Variants in CNTNAP4 observed in about 807,000 individuals in gnomAD.
CNTNAP4 encodes the protein contactin-associated protein-like 4.
Under a neutral mutation model 148.4 loss-of-function variants are expected in CNTNAP4, and 98 were observed. The observed-to-expected ratio is 0.66, with a 90% CI of 0.56 to 0.78. The LOEUF (loss-of-function observed/expected upper bound fraction) is 0.78. Among genes scored for constraint, CNTNAP4 ranks in the 30% least tolerant of loss-of-function variants. The probability of loss-of-function intolerance (pLI) is 0.00; values close to 1 mark genes in which losing one functional copy is unlikely to be tolerated. For synonymous variants in CNTNAP4, 730 were observed against 565.1 expected, an observed-to-expected ratio of 1.29 and a Z score of -4.14; for missense variants, 1,935 against 1,565.6, an observed-to-expected ratio of 1.24 and a Z score of -3.98.
intron 3 of CNTNAP4, among the ~76,000 whole-genome samples, chr16:76,369,047 G>GT (rs1177417787): frequency 1.4e-5 from 2 of 145,990 alleles, no homozygotes; most frequent in African/African-American, 5.1e-5. Flanking sequence ...TCGTTTTTTG[G>GT]TTAAAAAAAA....
intron 12 of CNTNAP4, among the ~76,000 whole-genome samples, chr16:76,484,275 G>GAAAAA (rs10622949): frequency 0.28 from 19,842 of 71,222 alleles, 5,256 homozygotes; most frequent in Middle Eastern, 0.45. Flanking sequence ...GGAGAGAAAT[G>GAAAAA]AAAAAAAAAA....
At chr16:76,469,311 T>G (rs1305527520) in intron 10 of CNTNAP4, among the ~76,000 whole-genome samples, 1 of 152,196 alleles carries the variant, frequency 6.6e-6, no homozygotes, top group Non-Finnish European at 1.5e-5. Flanking sequence ...GAATGACTTT[T>G]GGGTCCGTTT....
Position 76,294,863 on chromosome 16 carries a change from G to A in CNTNAP4, c.85+17116G>A, listed in dbSNP as rs868653975. ...GGTCTCAATCTGTAAATTCTTGCTC[G>A]CAATTGAGAACAGAAGTTTCGACTC... On this transcript the variant is annotated intron_variant, in intron 1 of 23. Coordinates refer to ENST00000611870, the MANE Select transcript of CNTNAP4 (RefSeq NM_033401.5). Among the ~76,000 whole-genome samples the A allele has an allele frequency of 2.6e-5, 4 of 152,084 alleles. No individual in the cohort carries two copies. In the East Asian group the frequency reaches 7.7e-4, roughly 29 times the overall value.
intron 15 of CNTNAP4, among the ~76,000 whole-genome samples, chr16:76,503,205 G>A (rs142853586): frequency 1.4e-3 from 216 of 152,190 alleles, no homozygotes; most frequent in Non-Finnish European, 2.6e-3. Context: ...CAGGATAAAG[G>A]CAAGAATGTC....
At chr16:76,462,531 C>T (rs182113423) in intron 9 of CNTNAP4, among the ~76,000 whole-genome samples, 66 of 152,260 alleles carry the variant, frequency 4.3e-4, no homozygotes, top group African/African-American at 1.4e-3. Flanking sequence ...TGCCAAAGGA[C>T]AAATAATTTA....
chr16:76,409,046 C>G (rs1285039119), intron 3 of CNTNAP4, among the ~76,000 whole-genome samples: 1 of 151,768 alleles, frequency 6.6e-6, no homozygotes, highest in East Asian at 1.9e-4. Context: ...ACATTTGTGG[C>G]CTAAGATTTT....
chr16:76,363,160 CT>C lies in CNTNAP4; in HGVS notation c.390+7665del, dbSNP rs34005199. On this transcript the variant is annotated intron_variant, in intron 3 of 23. Transcript: ENST00000611870. ...CAAAACAATGAAATTAAACCCTTAT[CT>C]TTTTTTTTTTTTTTTGGGAGTTGGA... 8.3e-3 allele frequency among the ~76,000 whole-genome samples: 1,143 copies of C among 137,384 alleles called. 4 individuals are homozygous for C. The highest frequency in any genetic ancestry group is 0.019 in the African/African-American group (697 of 37,506). The allele number at this position is 137,384 out of a possible 152,430, so 90.1% of individuals were successfully genotyped here.
At chr16:76,303,240 C>A (rs1041297845) in intron 1 of CNTNAP4, among the ~76,000 whole-genome samples, 8 of 151,950 alleles carry the variant, frequency 5.3e-5, no homozygotes, top group African/African-American at 1.9e-4. Context: ...ATTTATTAAA[C>A]TAGCTTTATG....
At chr16:76,513,749 A>G (rs1455062041) in intron 15 of CNTNAP4, among the ~76,000 whole-genome samples, 1 of 152,194 alleles carries the variant, frequency 6.6e-6, no homozygotes, top group Non-Finnish European at 1.5e-5. Flanking sequence ...GAACCCTTCT[A>G]CTTACTGTTA....
At chr16:76,419,557 A>G (rs62051245) in intron 3 of CNTNAP4, among the ~76,000 whole-genome samples, 53,167 of 151,774 alleles carry the variant, frequency 0.35, 10,972 homozygotes, top group Non-Finnish European at 0.44. Flanking sequence ...CAAAATTATC[A>G]TAGAAGTTTT....
intron 17 of CNTNAP4, among the ~76,000 whole-genome samples, chr16:76,530,797 A>G (rs2083946891): frequency 1.3e-5 from 2 of 152,162 alleles, no homozygotes; most frequent in Non-Finnish European, 2.9e-5. Flanking sequence ...TTGCGTGACA[A>G]ACTTAGAGCT....
chr16:76,527,372 C>T (rs2083788420), intron 17 of CNTNAP4, among the ~76,000 whole-genome samples: 1 of 152,092 alleles, frequency 6.6e-6, no homozygotes, highest in South Asian at 2.1e-4. Context: ...TACTTCAATC[C>T]AATATAATTG....
chr16:76,521,061 C>T (rs1174191612), intron 15 of CNTNAP4, 79 bp from the exon 16 acceptor site: 3 of 1,304,006 alleles, frequency 2.3e-6, no homozygotes, highest in African/African-American at 3.0e-5. Flanking sequence ...AAAAATAGAA[C>T]ATGTAATTGT....
Position 76,526,554 on chromosome 16 carries a change from A to C in CNTNAP4, c.2755+4297A>C, listed in dbSNP as rs143797419. Among the ~76,000 whole-genome samples, 396 of 152,312 alleles carry C rather than the reference A, an allele frequency of 2.6e-3. 3 individuals carry two copies. Among genetic ancestry groups the C allele is most frequent in the African/African-American group, 9.1e-3 (379 of 41,572 alleles). On this transcript the variant is annotated intron_variant, in intron 17 of 23. Transcript: ENST00000611870. ...ACATGTTGAAATTTAGATGCACCCAACTTGCTAATGAATTGGTCATTGATG... is the reference window on the plus strand; with the variant it reads ...ACATGTTGAAATTTAGATGCACCCACCTTGCTAATGAATTGGTCATTGATG...
rs5817996 is a variant in CNTNAP4 at position 76,492,949 on chromosome 16, C to CTTTTTTTTT, written c.2081-1955_2081-1947dup. 1.3e-5 allele frequency among the ~76,000 whole-genome samples: 2 copies of CTTTTTTTTT among 148,600 alleles called. 1 individual carries two copies. ...CTTTAAGGCCAGTTGTGCTTGCACA[C>CTTTTTTTTT]TTTTTTTTTTTTTTAATGCTTCCCT... On this transcript the variant is annotated intron_variant, in intron 13 of 23. Coordinates refer to ENST00000611870, the MANE Select transcript of CNTNAP4 (RefSeq NM_033401.5).
intron 23 of CNTNAP4, among the ~76,000 whole-genome samples, chr16:76,555,670 T>C (rs937269579): frequency 1.3e-5 from 2 of 152,232 alleles, no homozygotes; most frequent in Non-Finnish European, 2.9e-5. Flanking sequence ...TCAAACATCA[T>C]TGGCAAGATT....
chr16:76,332,295 C>G (rs899513168), intron 2 of CNTNAP4, among the ~76,000 whole-genome samples: 1 of 152,116 alleles, frequency 6.6e-6, no homozygotes, highest in Non-Finnish European at 1.5e-5. Context: ...GGATGTCATT[C>G]TGTTGCCCAG....
At chr16:76,317,870 T>C (rs1216458042) in intron 2 of CNTNAP4, among the ~76,000 whole-genome samples, 2 of 152,210 alleles carry the variant, frequency 1.3e-5, no homozygotes, top group East Asian at 3.8e-4. Context: ...ATACCTACTT[T>C]TGTGTGCTTC....
At chr16:76,350,829 G>A (rs781143710) in intron 2 of CNTNAP4, among the ~76,000 whole-genome samples, 1 of 152,098 alleles carries the variant, frequency 6.6e-6, no homozygotes, top group African/African-American at 2.4e-5. Context: ...GAGTTTTCAG[G>A]CTGTAATATG....
Sources: gnomAD v4.1 joint callset for allele counts (sites outside exome capture counted in the v4.1 genomes callset) on GRCh38, gnomAD v4.1.1 for gene constraint, MANE v1.5 for transcripts, NCBI Gene and HGNC (gene_info 2026-07-23, HGNC 2026-07-21) for gene names.